Variants in BABAM2 observed in about 807,000 individuals in gnomAD.
BABAM2 encodes BRISC and BRCA1 A complex member 2.
In BABAM2, 31 loss-of-function variants were observed where a neutral mutation model predicts 54.7. The observed-to-expected ratio is 0.57, with a 90% CI of 0.43 to 0.77. The LOEUF (loss-of-function observed/expected upper bound fraction) is 0.77. BABAM2 is among the 30% of genes least tolerant of loss of function. BABAM2 has a pLI of 0.00. For synonymous variants in BABAM2, 167 were observed against 162.9 expected (o/e 1.03, Z -0.19); for missense variants, 364 against 455.8 (o/e 0.80, Z 1.83).
intron 8 of BABAM2, among the ~76,000 whole-genome samples, chr2:28,239,268 G>A (rs17006629): frequency 0.17 from 25,974 of 152,096 alleles, 2,338 homozygotes; most frequent in African/African-American, 0.19. Flanking sequence ...CATTTAAAGG[G>A]TTCAACATGG....
chr2:28,098,749 T>C (rs1350589972), intron 6 of BABAM2, among the ~76,000 whole-genome samples: 1 of 152,184 alleles, frequency 6.6e-6, no homozygotes, highest in Non-Finnish European at 1.5e-5. Context: ...TGTTCACATA[T>C]GTGAAGAAAG....
chr2:28,085,282 C>A (rs1665539824), intron 6 of BABAM2, among the ~76,000 whole-genome samples: 1 of 152,122 alleles, frequency 6.6e-6, no homozygotes, highest in African/African-American at 2.4e-5. Flanking sequence ...AATATTTTGT[C>A]TCTGTTAATG....
At chr2:28,107,383 G>T (rs1005655912) in intron 6 of BABAM2, among the ~76,000 whole-genome samples, 3 of 152,060 alleles carry the variant, frequency 2.0e-5, no homozygotes, top group Non-Finnish European at 2.9e-5. Flanking sequence ...AATAAAACAA[G>T]TTCCTTAACT....
intron 11 of BABAM2, among the ~76,000 whole-genome samples, chr2:28,307,494 G>A (rs546284615): frequency 2.0e-5 from 3 of 150,196 alleles, no homozygotes; most frequent in Non-Finnish European, 4.4e-5. Flanking sequence ...TTCTGTTGGT[G>A]TGTTAGCTAT....
At chr2:27,929,222 C>T (rs1185364861) in intron 2 of BABAM2, among the ~76,000 whole-genome samples, 1 of 151,900 alleles carries the variant, frequency 6.6e-6, no homozygotes, top group African/African-American at 2.4e-5. Context: ...TCTTGAAAAA[C>T]AAAACAAAAA....
chr2:28,296,911 C>A (rs1350611588), intron 10 of BABAM2, among the ~76,000 whole-genome samples: 2 of 152,170 alleles, frequency 1.3e-5, no homozygotes, highest in African/African-American at 4.8e-5. Flanking sequence ...TGGTCTTGAA[C>A]TCCTGACCTC....
chr2:28,276,496 T>C (rs1685893321), intron 10 of BABAM2, among the ~76,000 whole-genome samples: 1 of 152,216 alleles, frequency 6.6e-6, no homozygotes, highest in Non-Finnish European at 1.5e-5. Flanking sequence ...CTGATTTATC[T>C]TCATCTCTGG....
At chr2:28,161,216 C>T (rs1008237485) in intron 7 of BABAM2, among the ~76,000 whole-genome samples, 2 of 152,156 alleles carry the variant, frequency 1.3e-5, no homozygotes, top group Admixed American at 1.3e-4. Context: ...AGCACATGCC[C>T]AACCATTGCC....
intron 2 of BABAM2, among the ~76,000 whole-genome samples, chr2:27,903,111 A>G (rs1377527377): frequency 7.1e-5 from 9 of 126,458 alleles, no homozygotes; most frequent in Admixed American, 4.3e-4. Context: ...CACCGTATGG[A>G]TAATTGGTTG....
At chr2:28,180,393 A>C (rs1001339117) in intron 7 of BABAM2, among the ~76,000 whole-genome samples, 3 of 152,064 alleles carry the variant, frequency 2.0e-5, no homozygotes, top group Non-Finnish European at 4.4e-5. Context: ...TAAATAGTGC[A>C]TGGAAAACTG....
intron 7 of BABAM2, among the ~76,000 whole-genome samples, chr2:28,169,152 A>G (rs1674044241): frequency 6.6e-6 from 1 of 152,238 alleles, no homozygotes. Context: ...TCTGAACCAC[A>G]CCATGGAGAT....
intron 7 of BABAM2, among the ~76,000 whole-genome samples, chr2:28,188,939 G>A (rs773057530): frequency 6.6e-6 from 1 of 152,140 alleles, no homozygotes; most frequent in Non-Finnish European, 1.5e-5. Context: ...AATGGCTCAC[G>A]CCTGTAATCC....
intron 9 of BABAM2, among the ~76,000 whole-genome samples, chr2:28,243,538 A>T (rs917867804): frequency 1.3e-5 from 2 of 151,304 alleles, no homozygotes; most frequent in Admixed American, 1.3e-4. Flanking sequence ...TCTCAAAAAA[A>T]TTTAAAAATT....
intron 7 of BABAM2, among the ~76,000 whole-genome samples, chr2:28,153,709 C>T (rs1432947164): frequency 1.3e-5 from 2 of 152,096 alleles, no homozygotes; most frequent in African/African-American, 4.8e-5. Flanking sequence ...GAACCCATGC[C>T]AGACCTACCA....
chr2:28,022,140 T>C (rs1365081425), intron 4 of BABAM2, among the ~76,000 whole-genome samples: 2 of 151,108 alleles, frequency 1.3e-5, no homozygotes, highest in East Asian at 3.8e-4. Context: ...GGAGTGTATT[T>C]ACGAGAGAGA....
chr2:28,052,594 A>G (rs1167241665), intron 6 of BABAM2, among the ~76,000 whole-genome samples: 4 of 152,088 alleles, frequency 2.6e-5, no homozygotes, highest in African/African-American at 4.8e-5. Context: ...GGCCGTAATC[A>G]TAGAGAAGGT....
chr2:28,112,253 A>G (rs1487319003), intron 6 of BABAM2, among the ~76,000 whole-genome samples: 1 of 128,934 alleles, frequency 7.8e-6, no homozygotes, highest in Non-Finnish European at 1.7e-5. Context: ...TCATGTGCAG[A>G]ATGTGCAGGT....
intron 7 of BABAM2, among the ~76,000 whole-genome samples, chr2:28,146,333 C>T (rs1671489229): frequency 6.6e-6 from 1 of 152,132 alleles, no homozygotes. Flanking sequence ...CTACTTCCTA[C>T]CCTCATCATA....
chr2:28,197,595 T>C (rs115701493), intron 7 of BABAM2, among the ~76,000 whole-genome samples: 4,342 of 152,282 alleles, frequency 0.029, 94 homozygotes, highest in Middle Eastern at 0.048. Flanking sequence ...AAATTGCTGT[T>C]TTTGTTAGAA....
Sources: allele counts gnomAD v4.1 joint callset (sites outside exome capture counted in the v4.1 genomes callset), GRCh38; gene constraint gnomAD v4.1.1; transcripts MANE v1.5; gene names NCBI Gene and HGNC (gene_info 2026-07-23, HGNC 2026-07-21).